Variants in CHMP7 observed in about 807,000 individuals in gnomAD.
The protein encoded by CHMP7 is CHMP family, member 7.
A neutral mutation model predicts 53.7 loss-of-function variants in CHMP7; 15 were observed. The observed-to-expected ratio is 0.28, with a 90% CI of 0.19 to 0.43. The LOEUF is 0.43. Ranked by LOEUF, CHMP7 falls within the 20% of genes least tolerant of loss-of-function variation. The pLI, the probability that CHMP7 is intolerant of heterozygous loss-of-function variation, is 1.00. For missense variants in CHMP7, 527 were observed against 569.4 expected (o/e 0.93, Z 0.76); for synonymous variants, 261 against 228.0 (o/e 1.14, Z -1.30).
intron 10 of CHMP7, 81 bp downstream of exon 10, chr8:23,260,404 C>A: frequency 6.4e-7 from 1 of 1,563,564 alleles, no homozygotes. Context: ...CCCAATTACT[C>A]CATTTGCCAG....
intron 7 of CHMP7, 61 bp from the exon 8 acceptor site, chr8:23,258,671 A>G: frequency 7.5e-7 from 1 of 1,326,168 alleles, no homozygotes; most frequent in Non-Finnish European, 1.1e-6. Context: ...AGTTGAAACA[A>G]TATTGTATGT....
At position 23,246,446 on chromosome 8, in the gene CHMP7, C is replaced by A; in HGVS notation, c.-250C>A. 1.8e-6 allele frequency: 1 copy of A among 541,286 alleles called. No homozygotes were observed. The highest frequency in any genetic ancestry group is 3.2e-5 in the East Asian group (1 of 31,210). The allele number at this position is 541,286 out of a possible 1,614,324, so 33.5% of individuals were successfully genotyped here. ...CAAGCCTTTCTTTCGGCACAAAGAC[C>A]GTGGGAGGAGGGGTCGGCGCAAGCG... On this transcript the variant is annotated 5_prime_UTR_variant, in exon 2 of 11. Transcript: ENST00000397677.
Position 23,246,378 on chromosome 8 carries a change from A to C in CHMP7, c.-318A>C. ...GTACAACGCTTTGCCGAACTCCAGA[A>C]TCTTGAAGGAGACGTAAGGTGCAGC... On this transcript the variant is annotated 5_prime_UTR_variant, in exon 2 of 11. Transcript: ENST00000397677. The C allele has an allele frequency of 8.1e-6, 3 of 368,110 alleles. No homozygotes were observed. The highest frequency in any genetic ancestry group is 2.1e-5 in the African/African-American group (1 of 47,458). The allele number at this position is 368,110 out of a possible 1,614,324, so 22.8% of individuals were successfully genotyped here. A position where few individuals can be genotyped will look rare whatever the true frequency, so the allele number is the denominator to read the frequency against.
chr8:23,255,106 A>C, intron 3 of CHMP7, 141 bp from the exon 4 acceptor site: 1 of 795,354 alleles, frequency 1.3e-6, no homozygotes, highest in Admixed American at 2.4e-5. Flanking sequence ...TCCTTTTTGA[A>C]AAGCCGCTAC....
intron 4 of CHMP7, among the ~76,000 whole-genome samples, chr8:23,255,914 A>G (rs1313480568): frequency 6.6e-6 from 1 of 151,998 alleles, no homozygotes; most frequent in African/African-American, 2.4e-5. Context: ...GGCATGCGCC[A>G]CGGCCCCTGG....
At chr8:23,248,443 C>G (rs1201641811) in intron 2 of CHMP7, among the ~76,000 whole-genome samples, 1 of 152,218 alleles carries the variant, frequency 6.6e-6, no homozygotes, top group Admixed American at 6.5e-5. Context: ...ATCACAATTA[C>G]TTTTGCACCA....
Position 23,256,454 on chromosome 8 carries a change from C to T in CHMP7, c.658-6C>T. The T allele has an allele frequency of 1.3e-6, 2 of 1,597,664 alleles. No homozygotes were observed. Among genetic ancestry groups the T allele is most frequent in the Non-Finnish European group, 8.6e-7 (1 of 1,165,202 alleles). ...GCAGCAGTAGTAATTTCTCCCTGTC[C>T]CTCAGATTGTGAAGTTTGCCCGAGG... On this transcript the variant is annotated splice_region_variant and splice_polypyrimidine_tract_variant and intron_variant, in intron 4 of 10. Transcript: ENST00000397677.
rs1801599667 is a variant in CHMP7 at position 23,243,745 on chromosome 8, A to G, written c.-540A>G. 6.4e-6 allele frequency: 1 copy of G among 155,822 alleles called. No homozygotes were observed. Among genetic ancestry groups the G allele is most frequent in the Non-Finnish European group, 1.4e-5 (1 of 70,748 alleles). 9.7% of individuals were successfully genotyped at this position (155,822 alleles called of 1,614,324 possible). On this transcript the variant is annotated 5_prime_UTR_variant, in exon 1 of 11. Transcript: ENST00000397677. ...TGGCCAACCTTACGGTAGCTGTACCAGTTTGCATTTCCACCAGCAATGAAT... is the reference window on the plus strand; with the variant it reads ...TGGCCAACCTTACGGTAGCTGTACCGGTTTGCATTTCCACCAGCAATGAAT...
chr8:23,258,239 C>G (rs751330424), intron 6 of CHMP7, 91 bp from the exon 7 acceptor site: 1 of 1,563,328 alleles, frequency 6.4e-7, no homozygotes, highest in Non-Finnish European at 8.8e-7. Flanking sequence ...GGGAAGAAAG[C>G]TGGGACATCC....
At position 23,246,715 on chromosome 8, in the gene CHMP7, A is replaced by C; in HGVS notation, c.20A>C (p.Glu7Ala). The C allele has an allele frequency of 6.5e-7, 1 of 1,549,114 alleles. No individual in the cohort carries two copies. The highest frequency in any genetic ancestry group is 8.7e-7 in the Non-Finnish European group (1 of 1,146,772). MWSPER[E>A]AEAPAGGDPA... Reference sequence around the variant, plus strand: ...GTTCCGATGTGGTCCCCGGAGCGGGAGGCCGAGGCCCCAGCCGGGGGAGAC... The same window carrying C: ...GTTCCGATGTGGTCCCCGGAGCGGGCGGCCGAGGCCCCAGCCGGGGGAGAC... Residue 7 changes from glutamate (E) to alanine (A), a missense_variant, in exon 2 of 11, where the codon GAG becomes GCG. Glu to Ala is a moderately radical substitution (Grantham distance 107, BLOSUM62 -1). Transcript: ENST00000397677.
intron 3 of CHMP7, chr8:23,254,909 G>A (rs984783004): frequency 5.3e-6 from 2 of 379,076 alleles, no homozygotes; most frequent in East Asian, 1.2e-4. Context: ...CTCAGCTCTC[G>A]TTCACAGCTG....
At chr8:23,257,683 A>G (rs1009412591) in intron 5 of CHMP7, among the ~76,000 whole-genome samples, 4 of 152,352 alleles carry the variant, frequency 2.6e-5, no homozygotes, top group Non-Finnish European at 5.9e-5. Context: ...GGGAAAGTCT[A>G]GCCTTGTTGG....
At chr8:23,258,176 G>T (rs1403565950) in intron 6 of CHMP7, 95 bp downstream of exon 6, 5 of 1,437,402 alleles carry the variant, frequency 3.5e-6, no homozygotes, top group Admixed American at 1.7e-5. Context: ...GGGTTTTGAG[G>T]GGGGTAGAGT....
chr8:23,247,373 C>T (rs1470893345), intron 2 of CHMP7, among the ~76,000 whole-genome samples: 5 of 152,256 alleles, frequency 3.3e-5, no homozygotes, highest in Non-Finnish European at 4.4e-5. Context: ...GATTCATTAA[C>T]CTAGGGAAGG....
intron 2 of CHMP7, among the ~76,000 whole-genome samples, chr8:23,248,778 A>G (rs1375771840): frequency 1.3e-5 from 2 of 152,152 alleles, no homozygotes; most frequent in Non-Finnish European, 1.5e-5. Flanking sequence ...TTCTCTGTAC[A>G]TCTTTGTTTT....
chr8:23,250,620 CTGTGTGTGTGTGTGTGTGTGTGTG>C (rs59970101), intron 3 of CHMP7, among the ~76,000 whole-genome samples: 58 of 143,396 alleles, frequency 4.0e-4, no homozygotes, highest in South Asian at 9.3e-4. Context: ...TGATAGGGGC[CTGTGTGTGTGTGTGTGTGTGTGTG>C]TGTGTGTGTG....
chr8:23,248,336 T>C (rs1198791700), intron 2 of CHMP7: 1 of 374,362 alleles, frequency 2.7e-6, no homozygotes, highest in Admixed American at 3.1e-5. Context: ...CCACTGAAGC[T>C]TCCTGGTGCT....
At chr8:23,252,195 C>CTTTTTTTTTTTTTTTT (rs373288680) in intron 3 of CHMP7, among the ~76,000 whole-genome samples, 1,398 of 104,900 alleles carry the variant, frequency 0.013, 132 homozygotes, top group Non-Finnish European at 0.019. Flanking sequence ...ATTGTGTTAT[C>CTTTTTTTTTTTTTTTT]TTTTTTTTTT....
chr8:23,257,981 C>T lies in CHMP7; in HGVS notation c.792-52C>T, dbSNP rs1412426344. ...CTGCTCTCAGGGACCCTTTGGGACC[C>T]TGCCACTCCCATCCTGTGGCACAGT... On this transcript the variant is annotated intron_variant, in intron 5 of 10. Coordinates refer to ENST00000397677, the MANE Select transcript of CHMP7 (RefSeq NM_152272.5). 6 of 1,335,314 alleles carry T rather than the reference C, an allele frequency of 4.5e-6. No individual in the cohort carries two copies. In the Admixed American group the frequency reaches 1.1e-4, roughly 24 times the overall value. 82.7% of individuals were successfully genotyped at this position (1,335,314 alleles called of 1,614,324 possible).
Sources: allele counts gnomAD v4.1 joint callset (sites outside exome capture counted in the v4.1 genomes callset), GRCh38; gene constraint gnomAD v4.1.1; transcripts MANE v1.5; gene names NCBI Gene and HGNC (gene_info 2026-07-23, HGNC 2026-07-21).